The following LRRC8D variants were observed in gnomAD, a reference collection of about 807,000 sequenced individuals.
LRRC8D encodes leucine rich repeat containing 8 VRAC subunit D.
In LRRC8D, 20 loss-of-function variants were observed where a neutral mutation model predicts 55.8. That is an observed-to-expected ratio of 0.36 (90% CI 0.25 to 0.52). LRRC8D has a LOEUF of 0.52. Among genes scored for constraint, LRRC8D ranks in the 20% least tolerant of loss-of-function variants. The pLI is 0.93. For synonymous variants in LRRC8D, 352 were observed against 377.0 expected, an observed-to-expected ratio of 0.93 and a Z score of 0.77; for missense variants, 651 against 1,030.8, an observed-to-expected ratio of 0.63 and a Z score of 5.05.
At chr1:89,892,860 G>A (rs1010187331) in intron 2 of LRRC8D, among the ~76,000 whole-genome samples, 1 of 152,186 alleles carries the variant, frequency 6.6e-6, no homozygotes, top group Admixed American at 6.5e-5. Context: ...GTTATTATAT[G>A]TAACTTTGTT....
At chr1:89,831,066 C>G (rs970794619) in intron 1 of LRRC8D, among the ~76,000 whole-genome samples, 2 of 151,918 alleles carry the variant, frequency 1.3e-5, no homozygotes, top group African/African-American at 4.8e-5. Flanking sequence ...CCACCACACC[C>G]AGCTAATCTT....
intron 2 of LRRC8D, among the ~76,000 whole-genome samples, chr1:89,891,429 A>G (rs934391598): frequency 1.3e-5 from 2 of 152,212 alleles, no homozygotes; most frequent in Non-Finnish European, 2.9e-5. Context: ...CTGCCACTCC[A>G]TTATAGAATT....
At chr1:89,912,250 C>T (rs769478074) in intron 2 of LRRC8D, among the ~76,000 whole-genome samples, 2 of 152,136 alleles carry the variant, frequency 1.3e-5, no homozygotes, top group Non-Finnish European at 2.9e-5. Context: ...TGGTAGAATT[C>T]TTTTTAAAAC....
intron 2 of LRRC8D, among the ~76,000 whole-genome samples, chr1:89,877,245 TA>T (rs1260874214): frequency 6.6e-6 from 1 of 150,430 alleles, no homozygotes; most frequent in Non-Finnish European, 1.5e-5. Context: ...TTTTTTTTTT[TA>T]AATTTGTGTT....
intron 2 of LRRC8D, among the ~76,000 whole-genome samples, chr1:89,899,374 T>C (rs1237283232): frequency 3.3e-5 from 5 of 152,206 alleles, no homozygotes; most frequent in African/African-American, 1.2e-4. Flanking sequence ...AAGTTACTTC[T>C]AGTTCGCCAG....
At chr1:89,860,514 C>T (rs948951098) in intron 2 of LRRC8D, among the ~76,000 whole-genome samples, 3 of 151,812 alleles carry the variant, frequency 2.0e-5, no homozygotes, top group Non-Finnish European at 4.4e-5. Flanking sequence ...AATCCTAGCA[C>T]TTTGTGAGGC....
chr1:89,884,710 C>T (rs897905604), intron 2 of LRRC8D, among the ~76,000 whole-genome samples: 1 of 152,194 alleles, frequency 6.6e-6, no homozygotes, highest in Non-Finnish European at 1.5e-5. Context: ...TAATTCCTCT[C>T]AGACTTGATG....
At chr1:89,876,666 A>G (rs1193853218) in intron 2 of LRRC8D, among the ~76,000 whole-genome samples, 2 of 152,238 alleles carry the variant, frequency 1.3e-5, no homozygotes, top group Non-Finnish European at 2.9e-5. Context: ...ACCGTGGTCT[A>G]CAGGACAGCT....
intron 2 of LRRC8D, among the ~76,000 whole-genome samples, chr1:89,857,361 A>C (rs1358728451): frequency 6.7e-6 from 1 of 149,434 alleles, no homozygotes; most frequent in East Asian, 2.0e-4. Flanking sequence ...CAGCCTGGGC[A>C]ACAAGAGCGA....
At chr1:89,888,211 G>T (rs553146203) in intron 2 of LRRC8D, among the ~76,000 whole-genome samples, 1 of 152,312 alleles carries the variant, frequency 6.6e-6, no homozygotes, top group African/African-American at 2.4e-5. Flanking sequence ...AATAACTTAG[G>T]AACTATATGC....
intron 1 of LRRC8D, among the ~76,000 whole-genome samples, chr1:89,839,912 C>T (rs182246553): frequency 5.3e-5 from 8 of 152,328 alleles, no homozygotes; most frequent in Admixed American, 4.6e-4. Context: ...AAACTAAGAT[C>T]TTTCTTAAGA....
At chr1:89,884,318 T>C (rs1662360700) in intron 2 of LRRC8D, among the ~76,000 whole-genome samples, 1 of 152,246 alleles carries the variant, frequency 6.6e-6, no homozygotes, top group African/African-American at 2.4e-5. Context: ...TTCTATTTCC[T>C]GACATTAGTC....
intron 2 of LRRC8D, among the ~76,000 whole-genome samples, chr1:89,916,476 C>G (rs567454233): frequency 6.6e-6 from 1 of 152,182 alleles, no homozygotes; most frequent in Non-Finnish European, 1.5e-5. Context: ...AAAGGCCAAC[C>G]CTTTAGGGGA....
chr1:89,922,699 A>G (rs1383546249), intron 2 of LRRC8D, among the ~76,000 whole-genome samples: 1 of 152,250 alleles, frequency 6.6e-6, no homozygotes, highest in Non-Finnish European at 1.5e-5. Context: ...AGGTAATAAT[A>G]TAAGCAATCA....
chr1:89,861,742 A>G (rs1661724839), intron 2 of LRRC8D, among the ~76,000 whole-genome samples: 2 of 152,250 alleles, frequency 1.3e-5, no homozygotes, highest in Admixed American at 6.5e-5. Context: ...AGCATCAGAT[A>G]GCAGTTGGAT....
chr1:89,860,658 T>C (rs1661679128), intron 2 of LRRC8D, among the ~76,000 whole-genome samples: 1 of 145,510 alleles, frequency 6.9e-6, no homozygotes, highest in Admixed American at 7.0e-5. Context: ...CTTGGGAGTC[T>C]GAGGCAGGAG....
intron 1 of LRRC8D, among the ~76,000 whole-genome samples, chr1:89,835,075 A>T (rs78597206): frequency 0.094 from 109 of 1,160 alleles, no homozygotes; most frequent in Admixed American, 0.36. Flanking sequence ...TTTCGCCAGC[A>T]CTAGGCTGCA....
chr1:89,887,949 T>C (rs1366769014), intron 2 of LRRC8D, among the ~76,000 whole-genome samples: 1 of 152,190 alleles, frequency 6.6e-6, no homozygotes, highest in Non-Finnish European at 1.5e-5. Flanking sequence ...GAGTTTATTA[T>C]CTGATGCCAC....
chr1:89,879,743 A>G (rs148471145), intron 2 of LRRC8D, among the ~76,000 whole-genome samples: 4 of 152,356 alleles, frequency 2.6e-5, no homozygotes, highest in Admixed American at 6.5e-5. Flanking sequence ...TTTACTAATT[A>G]TAGTATACTT....
Sources: allele counts gnomAD v4.1 joint callset (sites outside exome capture counted in the v4.1 genomes callset), GRCh38; gene constraint gnomAD v4.1.1; transcripts MANE v1.5; gene names NCBI Gene and HGNC (gene_info 2026-07-23, HGNC 2026-07-21).